The following GXYLT1 variants were observed in gnomAD, a reference collection of about 807,000 sequenced individuals.
GXYLT1 encodes the protein glycosyltransferase 8 domain containing 3.
In GXYLT1, 29 loss-of-function variants were observed where a neutral mutation model predicts 54.0. The observed-to-expected ratio is 0.54, with a 90% CI of 0.40 to 0.73. GXYLT1 has a LOEUF of 0.73. Ranked by LOEUF, GXYLT1 falls within the 30% of genes least tolerant of loss-of-function variation. The probability of loss-of-function intolerance (pLI) is 0.00; values close to 1 mark genes in which losing one functional copy is unlikely to be tolerated. For synonymous variants in GXYLT1, 176 were observed against 204.1 expected, an observed-to-expected ratio of 0.86 and a Z score of 1.17; for missense variants, 490 against 553.4, an observed-to-expected ratio of 0.89 and a Z score of 1.15.
At chr12:42,130,921 T>C (rs1279222297) in intron 1 of GXYLT1, among the ~76,000 whole-genome samples, 1 of 152,152 alleles carries the variant, frequency 6.6e-6, no homozygotes, top group Non-Finnish European at 1.5e-5. Context: ...CACCCCAGCC[T>C]GGCTGAACAC....
intron 7 of GXYLT1, among the ~76,000 whole-genome samples, chr12:42,095,383 T>G (rs184771199): frequency 1.3e-5 from 2 of 151,630 alleles, no homozygotes; most frequent in Non-Finnish European, 2.9e-5. Flanking sequence ...TGTCCAAACA[T>G]AGAGAATGGC....
At chr12:42,093,167 G>A (rs1163679091) in intron 7 of GXYLT1, among the ~76,000 whole-genome samples, 1 of 152,176 alleles carries the variant, frequency 6.6e-6, no homozygotes, top group East Asian at 1.9e-4. Flanking sequence ...GAGCGATCCT[G>A]GCTCACTGAA....
intron 3 of GXYLT1, among the ~76,000 whole-genome samples, chr12:42,115,462 C>T (rs1193874467): frequency 6.6e-6 from 1 of 152,142 alleles, no homozygotes; most frequent in Non-Finnish European, 1.5e-5. Context: ...GTGCAAAAAT[C>T]ACAAGCATTC....
At chr12:42,117,221 A>T (rs1371355001) in intron 3 of GXYLT1, among the ~76,000 whole-genome samples, 1 of 152,106 alleles carries the variant, frequency 6.6e-6, no homozygotes, top group African/African-American at 2.4e-5. Context: ...TGGCACATGT[A>T]TACATATGTA....
intron 6 of GXYLT1, 73 bp from the exon 7 acceptor site, chr12:42,097,687 C>T (rs1477706361): frequency 7.3e-7 from 1 of 1,363,588 alleles, no homozygotes; most frequent in African/African-American, 1.5e-5. Flanking sequence ...GCAAAACTTT[C>T]AGTTAAAAAA....
At chr12:42,107,167 T>C (rs1471433549) in intron 4 of GXYLT1, among the ~76,000 whole-genome samples, 2 of 152,242 alleles carry the variant, frequency 1.3e-5, no homozygotes, top group African/African-American at 4.8e-5. Flanking sequence ...TCTAAACCTT[T>C]TTAGTTAAGA....
chr12:42,122,627 A>G (rs1267249085), intron 2 of GXYLT1, among the ~76,000 whole-genome samples: 1 of 152,154 alleles, frequency 6.6e-6, no homozygotes. Flanking sequence ...TCAAAAAATG[A>G]TATTAAATAA....
At chr12:42,115,779 C>T (rs974100202) in intron 3 of GXYLT1, among the ~76,000 whole-genome samples, 2 of 151,780 alleles carry the variant, frequency 1.3e-5, no homozygotes, top group Non-Finnish European at 2.9e-5. Context: ...GGAAAAACTA[C>T]TTTAAAGTTC....
At chr12:42,096,561 C>T (rs893922135) in intron 7 of GXYLT1, among the ~76,000 whole-genome samples, 2 of 152,054 alleles carry the variant, frequency 1.3e-5, no homozygotes, top group African/African-American at 2.4e-5. Flanking sequence ...CAAAAGGGAG[C>T]GATCTTCCTT....
chr12:42,104,081 C>T lies in GXYLT1; in HGVS notation c.864+1737G>A, dbSNP rs143698134. Among the ~76,000 whole-genome samples, 432 of 152,176 alleles carry T rather than the reference C, an allele frequency of 2.8e-3. 2 individuals are homozygous for T. The highest frequency in any genetic ancestry group is 9.3e-3 in the African/African-American group (386 of 41,508). Reference sequence around the variant, plus strand: ...CTGGGCAACTCTTTTTCTGTAGAGACTGTTCTCTACAAAAAAGTAAAATAA... The same window carrying T: ...CTGGGCAACTCTTTTTCTGTAGAGATTGTTCTCTACAAAAAAGTAAAATAA... On this transcript the variant is annotated intron_variant, in intron 5 of 7. Coordinates refer to ENST00000398675, the MANE Select transcript of GXYLT1 (RefSeq NM_173601.2).
chr12:42,128,507 C>A (rs1017944903), intron 2 of GXYLT1, among the ~76,000 whole-genome samples: 1 of 152,092 alleles, frequency 6.6e-6, no homozygotes, highest in African/African-American at 2.4e-5. Context: ...CCCTCCAAGT[C>A]TTCCCTGATG....
intron 4 of GXYLT1, among the ~76,000 whole-genome samples, chr12:42,107,534 T>C (rs2065428370): frequency 6.6e-6 from 1 of 152,024 alleles, no homozygotes; most frequent in Admixed American, 6.6e-5. Context: ...CTACTAAAAA[T>C]ACAAAAATTA....
intron 3 of GXYLT1, 115 bp from the exon 4 acceptor site, chr12:42,109,806 G>T: frequency 5.0e-6 from 3 of 603,694 alleles, no homozygotes. Context: ...TACATTTTAT[G>T]CTGTAAAATT....
chr12:42,089,372 G>A (rs925298861), intron 7 of GXYLT1, among the ~76,000 whole-genome samples: 1 of 150,768 alleles, frequency 6.6e-6, no homozygotes, highest in African/African-American at 2.4e-5. Flanking sequence ...AGCATTAGGA[G>A]ACATACCTAA....
Position 42,084,016 on chromosome 12 carries a change from T to C in GXYLT1, c.*3770A>G, listed in dbSNP as rs944500736. On this transcript the variant is annotated 3_prime_UTR_variant, in exon 8 of 8. Transcript: ENST00000398675. ...CATAAAATGTTGAATTGGCACTAAA[T>C]GATCAGTGAGTAGGGTGATTGGGAA... The C allele has an allele frequency of 2.0e-5, 3 of 151,590 alleles. No individual in the cohort carries two copies. Among genetic ancestry groups the C allele is most frequent in the Non-Finnish European group, 2.9e-5 (2 of 67,958 alleles). The allele number at this position is 151,590 out of a possible 1,614,324, so 9.4% of individuals were successfully genotyped here. A position where few individuals can be genotyped will look rare whatever the true frequency, so the allele number is the denominator to read the frequency against.
Position 42,087,067 on chromosome 12 carries a change from G to C in GXYLT1, c.*719C>G, listed in dbSNP as rs1181991757. On this transcript the variant is annotated 3_prime_UTR_variant, in exon 8 of 8. Transcript: ENST00000398675. ...TTAACAATCTTAGATCTGAGTTTTG[G>C]CAAGACAGTTTAATGCATACAAAAT... is the stretch of plus-strand genomic sequence containing the variant. 1 of 151,980 alleles carries C rather than the reference G, an allele frequency of 6.6e-6. No homozygotes were observed. The highest frequency in any genetic ancestry group is 1.5e-5 in the Non-Finnish European group (1 of 67,962). 9.4% of individuals were successfully genotyped at this position (151,980 alleles called of 1,614,324 possible).
chr12:42,140,916 G>C (rs905354091), intron 1 of GXYLT1, among the ~76,000 whole-genome samples: 2 of 152,198 alleles, frequency 1.3e-5, no homozygotes, highest in African/African-American at 4.8e-5. Flanking sequence ...TAACTAAAAT[G>C]CAACAAAGTG....
intron 5 of GXYLT1, among the ~76,000 whole-genome samples, chr12:42,105,134 T>G (rs1242711771): frequency 6.6e-6 from 1 of 152,202 alleles, no homozygotes; most frequent in African/African-American, 2.4e-5. Context: ...GCAAGCAAAC[T>G]ACAGTGACTT....
At position 42,116,211 on chromosome 12, in the gene GXYLT1, T is replaced by C. The variant is rs371842786; in HGVS notation, c.486+2789A>G. On this transcript the variant is annotated intron_variant, in intron 3 of 7. Transcript: ENST00000398675. ...AACCTAGGCAATACCATTCAGGACA[T>C]AGGCATGGGCAAGGACTTCATGTCT... 9.2e-5 allele frequency among the ~76,000 whole-genome samples: 14 copies of C among 152,036 alleles called. No individual in the cohort carries two copies. The South Asian group carries it at 1.7e-3, about 18-fold the overall frequency.
Sources: gnomAD v4.1 joint callset for allele counts (sites outside exome capture counted in the v4.1 genomes callset) on GRCh38, gnomAD v4.1.1 for gene constraint, MANE v1.5 for transcripts, NCBI Gene and HGNC (gene_info 2026-07-23, HGNC 2026-07-21) for gene names.